The following GPR137C variants were observed in gnomAD, a reference collection of about 807,000 sequenced individuals.
GPR137C encodes the protein G protein-coupled receptor 137C.
In GPR137C, 27 loss-of-function variants were observed where a neutral mutation model predicts 43.4. The observed-to-expected ratio is 0.62, with a 90% confidence interval of 0.46 to 0.86. The LOEUF (loss-of-function observed/expected upper bound fraction) is 0.86. Ranked by LOEUF, GPR137C falls within the 40% of genes least tolerant of loss-of-function variation. The pLI, the probability that GPR137C is intolerant of heterozygous loss-of-function variation, is 0.00. For missense variants in GPR137C, 522 were observed against 534.6 expected (o/e 0.98, Z 0.23); for synonymous variants, 285 against 226.9 (o/e 1.26, Z -2.30).
At chr14:52,624,666 G>A (rs2039200446) in intron 3 of GPR137C, among the ~76,000 whole-genome samples, 2 of 151,010 alleles carry the variant, frequency 1.3e-5, no homozygotes, top group African/African-American at 4.9e-5. Context: ...AGAGGTTGCA[G>A]TGAGCCGAGA....
chr14:52,627,599 C>T (rs2039242997), intron 3 of GPR137C, among the ~76,000 whole-genome samples: 1 of 152,108 alleles, frequency 6.6e-6, no homozygotes, highest in Admixed American at 6.5e-5. Flanking sequence ...GTAATCCCAG[C>T]ACTTTGGGAG....
At chr14:52,617,329 A>G (rs2039110390) in intron 3 of GPR137C, among the ~76,000 whole-genome samples, 1 of 152,146 alleles carries the variant, frequency 6.6e-6, no homozygotes, top group Non-Finnish European at 1.5e-5. Flanking sequence ...TTTGTCAGGT[A>G]TATCAATTTG....
chr14:52,603,586 T>C (rs771975512), intron 3 of GPR137C, among the ~76,000 whole-genome samples: 15 of 152,202 alleles, frequency 9.9e-5, no homozygotes, highest in Non-Finnish European at 2.1e-4. Context: ...GAGGCTGGAG[T>C]ACAAGTGGCG....
chr14:52,618,274 A>C (rs1306321085), intron 3 of GPR137C, among the ~76,000 whole-genome samples: 2 of 152,226 alleles, frequency 1.3e-5, no homozygotes, highest in Non-Finnish European at 2.9e-5. Flanking sequence ...AACAAATATG[A>C]AATAGCCTTT....
chr14:52,572,211 A>G lies in GPR137C; in HGVS notation c.444+18620A>G, dbSNP rs149483382. The stretch of plus-strand genomic sequence containing the variant: ...CATTCCTTCTGAAACTATTCCAATC[A>G]ATAGAAAAAGAGGGATTCCTCCCTA... On this transcript the variant is annotated intron_variant, in intron 1 of 6. Coordinates refer to ENST00000321662, the MANE Select transcript of GPR137C (RefSeq NM_001099652.2). 7.0e-3 allele frequency among the ~76,000 whole-genome samples: 1,059 copies of G among 152,342 alleles called. 5 individuals carry two copies. The highest frequency in any genetic ancestry group is 8.8e-3 in the Non-Finnish European group (596 of 68,024).
intron 3 of GPR137C, among the ~76,000 whole-genome samples, chr14:52,602,014 G>T (rs550749365): frequency 6.7e-6 from 1 of 150,178 alleles, no homozygotes; most frequent in South Asian, 2.1e-4. Flanking sequence ...GTATGGATTC[G>T]GAATTATCTA....
chr14:52,618,441 T>C (rs1222091265), intron 3 of GPR137C, among the ~76,000 whole-genome samples: 3 of 152,050 alleles, frequency 2.0e-5, no homozygotes, highest in Non-Finnish European at 4.4e-5. Flanking sequence ...TTTTATGGAG[T>C]TTAATTATGA....
chr14:52,568,061 A>G (rs2038400411), intron 1 of GPR137C, among the ~76,000 whole-genome samples: 1 of 152,126 alleles, frequency 6.6e-6, no homozygotes. Flanking sequence ...CAGGGAGATC[A>G]GCGCAGAAGG....
chr14:52,569,187 A>C (rs114065416), intron 1 of GPR137C, among the ~76,000 whole-genome samples: 8,446 of 152,278 alleles, frequency 0.055, 265 homozygotes, highest in Middle Eastern at 0.075. Context: ...GCAGACCTGC[A>C]CCGGAGGGGC....
At chr14:52,586,242 A>G (rs1216226958) in intron 1 of GPR137C, among the ~76,000 whole-genome samples, 1 of 152,212 alleles carries the variant, frequency 6.6e-6, no homozygotes, top group African/African-American at 2.4e-5. Context: ...CCCTTTGCTC[A>G]GAAGATCCAG....
intron 1 of GPR137C, among the ~76,000 whole-genome samples, chr14:52,584,946 C>T (rs2038693746): frequency 6.6e-6 from 1 of 152,096 alleles, no homozygotes. Context: ...ATCAGAAAAC[C>T]TTGCTAATTA....
At chr14:52,600,065 G>C (rs900794708) in intron 2 of GPR137C, 48 bp from the exon 3 acceptor site, 24 of 1,243,694 alleles carry the variant, frequency 1.9e-5, no homozygotes, top group Non-Finnish European at 2.3e-5. Context: ...AATTAAATTT[G>C]ATTTCTTATT....
At chr14:52,633,792 A>G in intron 5 of GPR137C, 36 bp from the exon 6 acceptor site, 2 of 1,544,540 alleles carry the variant, frequency 1.3e-6, no homozygotes, top group Non-Finnish European at 1.8e-6. Context: ...GTGGAAAAGT[A>G]AAACCTTCAT....
At chr14:52,569,378 A>G (rs543341316) in intron 1 of GPR137C, among the ~76,000 whole-genome samples, 233 of 151,988 alleles carry the variant, frequency 1.5e-3, no homozygotes, top group African/African-American at 5.4e-3. Context: ...AAAAAAATGC[A>G]TCTACTCCTC....
At chr14:52,587,191 T>C (rs1413055544) in intron 1 of GPR137C, among the ~76,000 whole-genome samples, 2 of 152,142 alleles carry the variant, frequency 1.3e-5, no homozygotes, top group Non-Finnish European at 2.9e-5. Flanking sequence ...GGCATTATGG[T>C]AGGTATTGGG....
rs746316568 is a variant in GPR137C at position 52,634,994 on chromosome 14, G to T, written c.1169G>T (p.Ser390Ile). ...GGCACCATGACTGGGTGTGGCAGCA[G>T]CAGTTACACAGTCACTCCCCACCTG... is the stretch of plus-strand genomic sequence containing the variant. The part of the protein sequence containing the change: ...WYGTMTGCGS[S>I]SYTVTPHLNG... The change falls in exon 7 of 7, where the codon AGC becomes ATC. Residue 390 changes from serine to isoleucine, a missense_variant. By Grantham distance (142) the Ser-to-Ile change is moderately radical. Transcript: ENST00000321662. The T allele has an allele frequency of 1.2e-6, 2 of 1,612,456 alleles. No individual in the cohort carries two copies. The highest frequency in any genetic ancestry group is 1.7e-6 in the Non-Finnish European group (2 of 1,179,344).
chr14:52,584,423 G>A (rs1211089683), intron 1 of GPR137C, among the ~76,000 whole-genome samples: 2 of 152,162 alleles, frequency 1.3e-5, no homozygotes, highest in Non-Finnish European at 2.9e-5. Flanking sequence ...GTCATTCCAA[G>A]GCTGAACAGG....
At chr14:52,601,516 A>G (rs1399084714) in intron 3 of GPR137C, among the ~76,000 whole-genome samples, 2 of 151,298 alleles carry the variant, frequency 1.3e-5, no homozygotes, top group Non-Finnish European at 3.0e-5. Context: ...ATATAGAGAG[A>G]GAGAGAGAGA....
At chr14:52,587,646 T>C (rs2038729569) in intron 1 of GPR137C, among the ~76,000 whole-genome samples, 1 of 152,200 alleles carries the variant, frequency 6.6e-6, no homozygotes, top group South Asian at 2.1e-4. Context: ...GGCACACGCC[T>C]GTAGTTCCAG....
Sources: allele counts gnomAD v4.1 joint callset (sites outside exome capture counted in the v4.1 genomes callset), GRCh38; gene constraint gnomAD v4.1.1; transcripts MANE v1.5; gene names NCBI Gene and HGNC (gene_info 2026-07-23, HGNC 2026-07-21).